Variants in EIF2S2 observed in about 807,000 individuals in gnomAD.
The protein encoded by EIF2S2 is eukaryotic translation initiation factor 2 subunit beta.
A neutral mutation model predicts 44.0 loss-of-function variants in EIF2S2; 4 were observed. The ratio of observed to expected loss-of-function variants is 0.09; its 90% CI spans 0.04 to 0.21. The LOEUF (loss-of-function observed/expected upper bound fraction) is 0.21. Among genes scored for constraint, EIF2S2 ranks in the 10% least tolerant of loss-of-function variants. The probability of loss-of-function intolerance (pLI) is 1.00; values close to 1 mark genes in which losing one functional copy is unlikely to be tolerated. For missense variants in EIF2S2, 154 were observed against 392.0 expected, an observed-to-expected ratio of 0.39 and a Z score of 5.13; for synonymous variants, 108 against 128.3, an observed-to-expected ratio of 0.84 and a Z score of 1.07.
In EIF2S2 at chr20:34,112,212, A is replaced by G. The variant is rs2122451156; in HGVS notation, c.-102T>C. 1 of 1,287,100 alleles carries G rather than the reference A, an allele frequency of 7.8e-7. No homozygotes were observed. Among genetic ancestry groups the G allele is most frequent in the Non-Finnish European group, 1.0e-6 (1 of 963,542 alleles). The allele number at this position is 1,287,100 out of a possible 1,614,324, so 79.7% of individuals were successfully genotyped here. On this transcript the variant is annotated 5_prime_UTR_variant, in exon 1 of 9. Transcript: ENST00000374980. ...CTGCCGATACCTCTCCCACCACCGC[A>G]CTAGGCTCTTGCATCAGCGAAAGGA... is the stretch of plus-strand genomic sequence containing the variant.
chr20:34,099,210 G>A (rs191325376), intron 3 of EIF2S2, among the ~76,000 whole-genome samples: 9 of 152,068 alleles, frequency 5.9e-5, no homozygotes, highest in Admixed American at 5.9e-4. Context: ...ACCTACTAAA[G>A]ATACAAAAAT....
chr20:34,110,539 G>A (rs962164251), intron 1 of EIF2S2, among the ~76,000 whole-genome samples: 5 of 152,168 alleles, frequency 3.3e-5, no homozygotes, highest in East Asian at 1.9e-4. Context: ...GGCTTCCAAA[G>A]TCCTATGCCG....
intron 2 of EIF2S2, among the ~76,000 whole-genome samples, chr20:34,104,064 A>C (rs2034322953): frequency 6.6e-6 from 1 of 152,186 alleles, no homozygotes; most frequent in Non-Finnish European, 1.5e-5. Flanking sequence ...GATCTATAGG[A>C]AAAATCTGGT....
rs1442400472 is a variant in EIF2S2, at chr20:34,102,946, T to A, written c.297+516A>T. ...TTTGTATTAGAAATCAATTCAGTAA[T>A]AAGACTCACAGGGTCTCAAGTATCC... On this transcript the variant is annotated intron_variant, in intron 3 of 8. Transcript: ENST00000374980. Among the ~76,000 whole-genome samples the A allele has an allele frequency of 2.0e-5, 3 of 152,170 alleles. No homozygotes were observed. In the East Asian group the frequency reaches 5.8e-4, roughly 29 times the overall value.
At position 34,105,565 on chromosome 20, in the gene EIF2S2, CA is replaced by C. The variant is rs1159780970; in HGVS notation, c.16-21del. On this transcript the variant is annotated intron_variant, in intron 1 of 8. Transcript: ENST00000374980. The stretch of plus-strand genomic sequence containing the variant: ...AATCATCTGTTTAAAAGACAAAAAA[CA>C]AAAAGGGACCAAATGATTGTTTTTA... 1.1e-5 allele frequency: 17 copies of C among 1,521,414 alleles called. No homozygotes were observed. Among genetic ancestry groups the C allele is most frequent in the Non-Finnish European group, 1.5e-5 (17 of 1,139,756 alleles). 94.2% of individuals were successfully genotyped at this position (1,521,414 alleles called of 1,614,324 possible).
intron 1 of EIF2S2, among the ~76,000 whole-genome samples, chr20:34,105,894 AAAC>A (rs1168171667): frequency 1.3e-5 from 2 of 152,160 alleles, no homozygotes; most frequent in Non-Finnish European, 2.9e-5. Context: ...AGATATAGGA[AAAC>A]AATACCTAAG....
At chr20:34,108,904 G>A (rs1280385707) in intron 1 of EIF2S2, among the ~76,000 whole-genome samples, 1 of 151,646 alleles carries the variant, frequency 6.6e-6, no homozygotes, top group Non-Finnish European at 1.5e-5. Context: ...CAAATGCTAA[G>A]TGTTGCCATC....
intron 6 of EIF2S2, among the ~76,000 whole-genome samples, chr20:34,095,328 TTTGACA>T (rs2034214993): frequency 6.7e-6 from 1 of 150,340 alleles, no homozygotes; most frequent in African/African-American, 2.4e-5. Flanking sequence ...TTTTTTTTTT[TTTGACA>T]GAGTCTCACA....
At chr20:34,108,381 T>C (rs2034372153) in intron 1 of EIF2S2, 1 of 152,194 alleles carries the variant, frequency 6.6e-6, no homozygotes, top group Non-Finnish European at 1.5e-5. Context: ...ATTTTATTCA[T>C]ACCATCCTGC....
chr20:34,097,482 A>C lies in EIF2S2; in HGVS notation c.468T>G (p.Gly156=), dbSNP rs2034243260. The C allele has an allele frequency of 6.2e-7, 1 of 1,613,552 alleles. No homozygotes were observed. Among genetic ancestry groups the C allele is most frequent in the Non-Finnish European group, 8.5e-7 (1 of 1,179,964 alleles). Residue 156 remains glycine (G), a synonymous_variant, in exon 5 of 9, where the codon GGT becomes GGG. Transcript: ENST00000374980. ...GGCCTGTCTGATTACTGAATGAGAT[A>C]CCATCATCTTTTTTGTTGTCTTCAT... ...LEDEDNKKDD[G]ISFSNQTGPA...
intron 6 of EIF2S2, among the ~76,000 whole-genome samples, chr20:34,094,459 T>G (rs1000013689): frequency 6.6e-6 from 1 of 152,182 alleles, no homozygotes; most frequent in Non-Finnish European, 1.5e-5. Context: ...AGCAAATGTG[T>G]CAAAAGTTCA....
chr20:34,111,734 C>G (rs1418179984), intron 1 of EIF2S2, among the ~76,000 whole-genome samples: 1 of 152,256 alleles, frequency 6.6e-6, no homozygotes, highest in Non-Finnish European at 1.5e-5. Flanking sequence ...CCCAGTGAGG[C>G]GAGCTGGGGC....
chr20:34,097,443 G>A lies in EIF2S2; in HGVS notation c.507C>T (p.Gly169=). The A allele has an allele frequency of 6.2e-7, 1 of 1,613,508 alleles. No homozygotes were observed. The highest frequency in any genetic ancestry group is 2.2e-5 in the East Asian group (1 of 44,880). ...CCTCGTATGTGTAGTCTCTTTCTGA[G>A]CCTGCCCAAGCAGGGCCTGTCTGAT... ...FSNQTGPAWA[G]SERDYTYEEL... Residue 169 remains glycine (G), a synonymous_variant, in exon 5 of 9, where the codon GGC becomes GGT. Transcript: ENST00000374980.
chr20:34,101,935 A>G (rs535269708), intron 3 of EIF2S2, among the ~76,000 whole-genome samples: 1 of 152,094 alleles, frequency 6.6e-6, no homozygotes, highest in Non-Finnish European at 1.5e-5. Context: ...TCGGCCTCCC[A>G]AAGTGCTGGG....
At chr20:34,110,599 G>T (rs562347976) in intron 1 of EIF2S2, among the ~76,000 whole-genome samples, 20 of 152,276 alleles carry the variant, frequency 1.3e-4, no homozygotes, top group African/African-American at 4.8e-4. Context: ...TCATCCAGCA[G>T]TAATGCATTC....
At chr20:34,101,159 T>C (rs2122419419) in intron 3 of EIF2S2, among the ~76,000 whole-genome samples, 1 of 152,338 alleles carries the variant, frequency 6.6e-6, no homozygotes, top group South Asian at 2.1e-4. Context: ...AAGACCAATC[T>C]GCCAGCCAGG....
intron 3 of EIF2S2, among the ~76,000 whole-genome samples, chr20:34,102,314 T>C (rs2034304212): frequency 6.6e-6 from 1 of 152,122 alleles, no homozygotes; most frequent in Non-Finnish European, 1.5e-5. Flanking sequence ...TTCCCTATAG[T>C]AGAAGGAAAA....
At position 34,098,479 on chromosome 20, in the gene EIF2S2, G is replaced by A. The variant is rs1342624072; in HGVS notation, c.433+19C>T. On this transcript the variant is annotated intron_variant, in intron 4 of 8. Transcript: ENST00000374980. ...GGCTTGAGTAACCTCTAAATGTGCT[G>A]CTGAGTCCTCAGCATTACCTTCATC... 1.2e-6 allele frequency: 2 copies of A among 1,611,564 alleles called. No individual in the cohort carries two copies. Among genetic ancestry groups the A allele is most frequent in the Non-Finnish European group, 8.5e-7 (1 of 1,179,470 alleles).
chr20:34,091,048 G>T (rs2034156686), intron 7 of EIF2S2, among the ~76,000 whole-genome samples: 1 of 152,054 alleles, frequency 6.6e-6, no homozygotes, highest in African/African-American at 2.4e-5. Context: ...ACCACACCCA[G>T]CCTCAAAATT....
Sources: allele counts gnomAD v4.1 joint callset (sites outside exome capture counted in the v4.1 genomes callset), GRCh38; gene constraint gnomAD v4.1.1; transcripts MANE v1.5; gene names NCBI Gene and HGNC (gene_info 2026-07-23, HGNC 2026-07-21).